ZFHX3: variants seen among roughly 807,000 people sequenced by gnomAD.
The protein encoded by ZFHX3 is zinc finger homeobox 3, also known as zinc finger homeobox protein 3.
In ZFHX3, 42 loss-of-function variants were observed where a neutral mutation model predicts 279.1. That is an observed-to-expected ratio of 0.15 (90% CI 0.12 to 0.19). The LOEUF (loss-of-function observed/expected upper bound fraction) is 0.19, where lower values mean the gene tolerates loss of function less well. Ranked by LOEUF, ZFHX3 falls within the 10% of genes least tolerant of loss-of-function variation. The pLI, the probability that ZFHX3 is intolerant of heterozygous loss-of-function variation, is 1.00. For missense variants in ZFHX3, 4,981 were observed against 4,754.0 expected (o/e 1.05, Z -1.40); for synonymous variants, 2,293 against 1,957.8 (o/e 1.17, Z -4.52).
chr16:73,255,352 A>G lies in ZFHX3; in HGVS notation c.-1104+1695T>C, dbSNP rs547057231. Among the ~76,000 whole-genome samples, 6 of 152,300 alleles carry G rather than the reference A, an allele frequency of 3.9e-5. No individual in the cohort carries two copies. The South Asian group carries it at 1.2e-3, about 32-fold the overall frequency. ...AGGTAAACAAATAAATCAACCCCAAATCAAATAAAGCCCACATCCATCCCC... is the reference window on the plus strand; with the variant it reads ...AGGTAAACAAATAAATCAACCCCAAGTCAAATAAAGCCCACATCCATCCCC... On this transcript the variant is annotated intron_variant, in intron 5 of 17. Transcript: ENST00000641206.
At chr16:73,470,920 C>T (rs1597347901) in intron 2 of ZFHX3, among the ~76,000 whole-genome samples, 1 of 152,292 alleles carries the variant, frequency 6.6e-6, no homozygotes, top group Admixed American at 6.5e-5. Context: ...TTTCTATCCT[C>T]AAAGATCCAT....
At chr16:73,449,404 G>A (rs982716158) in intron 3 of ZFHX3, among the ~76,000 whole-genome samples, 1 of 152,164 alleles carries the variant, frequency 6.6e-6, no homozygotes, top group East Asian at 1.9e-4. Context: ...GTTTGTGGCT[G>A]GAGTCCCAGC....
intron 3 of ZFHX3, among the ~76,000 whole-genome samples, chr16:72,923,832 G>A (rs1360467583): frequency 6.6e-6 from 1 of 152,184 alleles, no homozygotes; most frequent in East Asian, 1.9e-4. Flanking sequence ...ATACACAGTT[G>A]ACTGTTTTCA....
intron 1 of ZFHX3, among the ~76,000 whole-genome samples, chr16:72,978,959 C>G (rs551964200): frequency 6.6e-6 from 1 of 152,302 alleles, no homozygotes; most frequent in South Asian, 2.1e-4. Context: ...TCTTCTCCCT[C>G]TCTCTCCTGG....
intron 2 of ZFHX3, among the ~76,000 whole-genome samples, chr16:73,586,864 A>G (rs943380547): frequency 2.6e-5 from 4 of 152,188 alleles, no homozygotes; most frequent in Non-Finnish European, 5.9e-5. Context: ...TATCTAATAT[A>G]TATTCTATTA....
chr16:73,467,629 T>G (rs1382243815), intron 2 of ZFHX3, among the ~76,000 whole-genome samples: 2 of 152,226 alleles, frequency 1.3e-5, no homozygotes, highest in Admixed American at 1.3e-4. Flanking sequence ...ACGTAGGTGG[T>G]GAGTGTATGG....
At chr16:73,486,123 G>A (rs913547117) in intron 2 of ZFHX3, among the ~76,000 whole-genome samples, 3 of 152,204 alleles carry the variant, frequency 2.0e-5, no homozygotes, top group South Asian at 2.1e-4. Flanking sequence ...GTCTGAAGGC[G>A]GGGAACATAA....
intron 2 of ZFHX3, among the ~76,000 whole-genome samples, chr16:73,554,993 C>T (rs1307208566): frequency 6.6e-6 from 1 of 152,152 alleles, no homozygotes; most frequent in African/African-American, 2.4e-5. Context: ...CTTTCCCACC[C>T]AATGCCCCCT....
intron 1 of ZFHX3, among the ~76,000 whole-genome samples, chr16:73,759,249 G>A (rs565988678): frequency 2.0e-5 from 3 of 152,174 alleles, no homozygotes; most frequent in Admixed American, 1.3e-4. Context: ...TCTTTAACAC[G>A]TGACTCCCAT....
intron 1 of ZFHX3, among the ~76,000 whole-genome samples, chr16:73,013,421 G>A (rs1275053308): frequency 6.6e-6 from 1 of 152,002 alleles, no homozygotes; most frequent in Non-Finnish European, 1.5e-5. Context: ...CCAAGTAACT[G>A]GGACCACAGG....
At chr16:73,817,857 G>C (rs766407488) in intron 1 of ZFHX3, among the ~76,000 whole-genome samples, 4 of 152,182 alleles carry the variant, frequency 2.6e-5, no homozygotes, top group Non-Finnish European at 5.9e-5. Flanking sequence ...GGATAATGTG[G>C]AGCCCAGCAC....
intron 2 of ZFHX3, among the ~76,000 whole-genome samples, chr16:73,545,266 T>TCCCATTTTCTTTCTCTCTTTCC (rs1263238794): frequency 6.6e-6 from 1 of 152,248 alleles, no homozygotes; most frequent in African/African-American, 2.4e-5. Flanking sequence ...GGGCTCTTTC[T>TCCCATTTTCTTTCTCTCTTTCC]CCCATTTTCT....
chr16:73,565,049 T>C (rs974541801), intron 2 of ZFHX3, among the ~76,000 whole-genome samples: 6 of 152,124 alleles, frequency 3.9e-5, no homozygotes, highest in Non-Finnish European at 7.4e-5. Flanking sequence ...GGTCAAGAGA[T>C]TGCGAAGAGC....
chr16:73,861,975 T>G (rs1035564596), intron 1 of ZFHX3, among the ~76,000 whole-genome samples: 3 of 152,232 alleles, frequency 2.0e-5, no homozygotes, highest in African/African-American at 7.2e-5. Flanking sequence ...GAAGCTCCTT[T>G]CCACATTTTG....
chr16:72,861,660 A>G (rs1391022292), intron 4 of ZFHX3, among the ~76,000 whole-genome samples: 1 of 152,226 alleles, frequency 6.6e-6, no homozygotes, highest in Non-Finnish European at 1.5e-5. Flanking sequence ...AACATGCAAA[A>G]GATGCCAGAA....
rs1258328074 is a variant in ZFHX3, at chr16:73,546,444, A to G, written c.-1546-90186T>C. On this transcript the variant is annotated intron_variant, in intron 2 of 17. Transcript: ENST00000641206. The stretch of plus-strand genomic sequence containing the variant: ...GTTTGGGTAGCTGTTTATTAAGAGG[A>G]CAGAGTTGGTATTACAGGGTCGGTA... Among the ~76,000 whole-genome samples the G allele has an allele frequency of 2.8e-5, 4 of 145,246 alleles. No individual in the cohort carries two copies. In the East Asian group the frequency reaches 8.4e-4, roughly 30 times the overall value.
intron 5 of ZFHX3, chr16:73,143,972 A>C: frequency 2.7e-6 from 1 of 369,346 alleles, no homozygotes; most frequent in Admixed American, 3.8e-5. Flanking sequence ...GTGAGGGTTT[A>C]TTCAAGTCAC....
chr16:73,648,003 A>G (rs940905391), intron 2 of ZFHX3, among the ~76,000 whole-genome samples: 3 of 152,228 alleles, frequency 2.0e-5, no homozygotes, highest in Non-Finnish European at 4.4e-5. Context: ...TGTTAATAAT[A>G]TTAAACGTCA....
At chr16:73,549,001 A>G (rs2020164661) in intron 2 of ZFHX3, among the ~76,000 whole-genome samples, 1 of 152,202 alleles carries the variant, frequency 6.6e-6, no homozygotes, top group Admixed American at 6.5e-5. Context: ...TTTTAAAAAA[A>G]TGTATATGCA....
Sources: gnomAD v4.1 joint callset for allele counts (sites outside exome capture counted in the v4.1 genomes callset) on GRCh38, gnomAD v4.1.1 for gene constraint, MANE v1.5 for transcripts, NCBI Gene and HGNC (gene_info 2026-07-23, HGNC 2026-07-21) for gene names.